Variants in SUSD1 observed in about 807,000 individuals in gnomAD.
The protein encoded by SUSD1 is sushi domain containing 1.
Under a neutral mutation model 86.9 loss-of-function variants are expected in SUSD1, and 65 were observed. That is an observed-to-expected ratio of 0.75 (90% CI 0.61 to 0.92). SUSD1 has a LOEUF of 0.92. Among genes scored for constraint, SUSD1 ranks in the 40% least tolerant of loss-of-function variants. The probability of loss-of-function intolerance (pLI) is 0.00; values close to 1 mark genes in which losing one functional copy is unlikely to be tolerated. For missense variants in SUSD1, 850 were observed against 929.7 expected, an observed-to-expected ratio of 0.91 and a Z score of 1.11; for synonymous variants, 346 against 350.0, an observed-to-expected ratio of 0.99 and a Z score of 0.13.
rs34839248 is a variant in SUSD1, at chr9:112,141,927, A to AAT, written c.706+391_706+392dup. On this transcript the variant is annotated intron_variant, in intron 5 of 16. Transcript: ENST00000374270. ...TGTTCATTCCCACATGACTTCTGGG[A>AAT]ATATATATATATATATACACCTAAC... is the stretch of plus-strand genomic sequence containing the variant. Among the ~76,000 whole-genome samples the AAT allele has an allele frequency of 1.8e-3, 254 of 143,316 alleles. 3 individuals are homozygous for AAT. Among genetic ancestry groups the AAT allele is most frequent in the South Asian group, 0.013 (62 of 4,622 alleles). 94.0% of individuals were successfully genotyped at this position (143,316 alleles called of 152,430 possible).
At chr9:112,100,407 C>T (rs1388396290) in intron 9 of SUSD1, among the ~76,000 whole-genome samples, 2 of 152,112 alleles carry the variant, frequency 1.3e-5, no homozygotes, top group East Asian at 2.0e-4. Context: ...AGGATGGTCT[C>T]GATCTCCTGA....
At chr9:112,138,782 T>C (rs532249817) in intron 5 of SUSD1, among the ~76,000 whole-genome samples, 6 of 152,196 alleles carry the variant, frequency 3.9e-5, no homozygotes, top group Non-Finnish European at 7.3e-5. Context: ...ATTGTTTTTC[T>C]AACATAATTT....
At chr9:112,166,187 G>A (rs539142794) in intron 1 of SUSD1, among the ~76,000 whole-genome samples, 5 of 152,304 alleles carry the variant, frequency 3.3e-5, no homozygotes, top group South Asian at 2.1e-4. Context: ...TTATTCAGCC[G>A]TGATTAGCCT....
Position 112,142,303 on chromosome 9 carries a change from A to G in SUSD1, c.706+17T>C, listed in dbSNP as rs1832609838. On this transcript the variant is annotated intron_variant, in intron 5 of 16. Transcript: ENST00000374270. ...AAGGTGGTATGAATTGGGAACCTGT[A>G]TTTTTTGAAAACTCACCTTGGCAAT... is the stretch of plus-strand genomic sequence containing the variant. 1 of 1,534,350 alleles carries G rather than the reference A, an allele frequency of 6.5e-7. No individual in the cohort carries two copies. Among genetic ancestry groups the G allele is most frequent in the South Asian group, 1.3e-5 (1 of 77,168 alleles).
At position 112,142,962 on chromosome 9, in the gene SUSD1, T is replaced by C. The variant is rs7856940; in HGVS notation, c.527-463A>G. ...ATCCTTTAAGTTTATGAATTTTAGC[T>C]TTTTTTTTTTTTTTTTTTTTTTTTT... On this transcript the variant is annotated intron_variant, in intron 4 of 16. Coordinates refer to ENST00000374270, the MANE Select transcript of SUSD1 (RefSeq NM_022486.5). Among the ~76,000 whole-genome samples, 265 of 28,402 alleles carry C rather than the reference T, an allele frequency of 9.3e-3. 1 individual carries two copies. Among genetic ancestry groups the C allele is most frequent in the African/African-American group, 0.054 (255 of 4,680 alleles). The allele number at this position is 28,402 out of a possible 152,430, so 18.6% of individuals were successfully genotyped here.
intron 1 of SUSD1, among the ~76,000 whole-genome samples, chr9:112,165,679 G>C (rs1469543064): frequency 6.6e-6 from 1 of 151,336 alleles, no homozygotes; most frequent in Non-Finnish European, 1.5e-5. Context: ...CAAAGTCCTG[G>C]GATTACAAGT....
rs987423748 is a variant in SUSD1 at position 112,152,151 on chromosome 9, C to T, written c.218-2752G>A. Among the ~76,000 whole-genome samples, 55 of 149,104 alleles carry T rather than the reference C, an allele frequency of 3.7e-4. 1 individual carries two copies. In the South Asian group the frequency reaches 8.3e-3, roughly 23 times the overall value. On this transcript the variant is annotated intron_variant, in intron 2 of 16. Transcript: ENST00000374270. ...CCAGGAGGCGGAGGTTGCAGTGAGC[C>T]GAGATCGCGCCATTGCACTCCAGCC... is the stretch of plus-strand genomic sequence containing the variant.
intron 15 of SUSD1, among the ~76,000 whole-genome samples, chr9:112,051,650 C>T (rs569431366): frequency 3.3e-5 from 5 of 151,916 alleles, no homozygotes; most frequent in Admixed American, 1.3e-4. Context: ...AGGCTGGTCT[C>T]GAACTCCCAA....
At chr9:112,147,950 T>C (rs924577858) in intron 3 of SUSD1, among the ~76,000 whole-genome samples, 1 of 152,188 alleles carries the variant, frequency 6.6e-6, no homozygotes, top group Non-Finnish European at 1.5e-5. Context: ...AACAGGATAT[T>C]ATAAAATGTT....
chr9:112,105,446 T>C (rs1256864935), intron 8 of SUSD1, among the ~76,000 whole-genome samples: 2 of 152,014 alleles, frequency 1.3e-5, no homozygotes, highest in African/African-American at 2.4e-5. Flanking sequence ...GGACCGGGCA[T>C]AGTGGCTCAC....
chr9:112,072,409 T>A (rs1829324477), intron 12 of SUSD1, among the ~76,000 whole-genome samples: 1 of 152,098 alleles, frequency 6.6e-6, no homozygotes, highest in African/African-American at 2.4e-5. Flanking sequence ...TGGGATGGGA[T>A]TACAGGCATG....
intron 3 of SUSD1, among the ~76,000 whole-genome samples, chr9:112,145,750 T>G (rs115458053): frequency 6.6e-6 from 1 of 152,190 alleles, no homozygotes; most frequent in African/African-American, 2.4e-5. Context: ...TTCTATTCAA[T>G]TGCTGAAGGA....
intron 8 of SUSD1, among the ~76,000 whole-genome samples, chr9:112,105,330 C>CA: frequency 6.7e-6 from 1 of 149,636 alleles, no homozygotes; most frequent in East Asian, 2.0e-4. Context: ...ATTTGAAGAG[C>CA]AAAAAACAAA....
At chr9:112,100,076 G>A (rs1247950730) in intron 9 of SUSD1, among the ~76,000 whole-genome samples, 3 of 152,192 alleles carry the variant, frequency 2.0e-5, no homozygotes, top group African/African-American at 2.4e-5. Context: ...GTGTTCATGC[G>A]TGTTTAGGCA....
intron 5 of SUSD1, among the ~76,000 whole-genome samples, chr9:112,137,488 C>T (rs775049147): frequency 9.2e-5 from 14 of 151,966 alleles, no homozygotes; most frequent in Non-Finnish European, 4.4e-5. Flanking sequence ...TATGTAAATC[C>T]TTAGAGCGTT....
chr9:112,062,991 C>G lies in SUSD1; in HGVS notation c.1796G>C (p.Gly599Ala). Residue 599 changes from glycine (G) to alanine (A), a missense_variant, in exon 13 of 17, where the codon GGA becomes GCA. Transcript: ENST00000374270. ...PEVEFFTVHR[G>A]PLPRLRLRKA... ...CCTCAGTCTGAGGCGTGGTAGAGGT[C>G]CTCTGTGCACCGTAAAAAATTCTAC... 1.2e-6 allele frequency: 2 copies of G among 1,613,668 alleles called. No homozygotes were observed. Among genetic ancestry groups the G allele is most frequent in the Non-Finnish European group, 1.7e-6 (2 of 1,179,716 alleles).
At chr9:112,166,409 A>T (rs2131851693) in intron 1 of SUSD1, among the ~76,000 whole-genome samples, 1 of 152,326 alleles carries the variant, frequency 6.6e-6, no homozygotes, top group Admixed American at 6.5e-5. Flanking sequence ...CAGTGTCCCC[A>T]AAGATTCTGA....
intron 14 of SUSD1, among the ~76,000 whole-genome samples, chr9:112,057,144 C>G (rs1828485038): frequency 6.6e-6 from 1 of 152,134 alleles, no homozygotes; most frequent in African/African-American, 2.4e-5. Flanking sequence ...CCACTCCATC[C>G]CCACCACGTG....
intron 6 of SUSD1, among the ~76,000 whole-genome samples, chr9:112,117,951 C>A (rs9409115): frequency 0.14 from 21,036 of 152,180 alleles, 1,824 homozygotes; most frequent in East Asian, 0.23. Context: ...GGTTTCCCCC[C>A]AGTAGGCTGA....
Sources: gnomAD v4.1 joint callset for allele counts (sites outside exome capture counted in the v4.1 genomes callset) on GRCh38, gnomAD v4.1.1 for gene constraint, MANE v1.5 for transcripts, NCBI Gene and HGNC (gene_info 2026-07-23, HGNC 2026-07-21) for gene names.